Variants in KCNJ16 observed in about 807,000 individuals in gnomAD.
The protein encoded by KCNJ16 is inward rectifier potassium channel 16.
Under a neutral mutation model 18.5 loss-of-function variants are expected in KCNJ16, and 15 were observed. That is an observed-to-expected ratio of 0.81 (90% CI 0.54 to 1.25). The LOEUF (loss-of-function observed/expected upper bound fraction) is 1.25, where lower values mean the gene tolerates loss of function less well. Ranked by LOEUF, KCNJ16 falls within the 50% of genes most tolerant of loss-of-function variation. The pLI, the probability that KCNJ16 is intolerant of heterozygous loss-of-function variation, is 0.00. For missense variants in KCNJ16, 523 were observed against 525.7 expected (o/e 0.99, Z 0.05); for synonymous variants, 174 against 186.5 (o/e 0.93, Z 0.55).
intron 2 of KCNJ16, among the ~76,000 whole-genome samples, chr17:70,120,177 C>G (rs1347255422): frequency 6.6e-6 from 1 of 152,218 alleles, no homozygotes; most frequent in African/African-American, 2.4e-5. Flanking sequence ...GTCACCTTTG[C>G]TCCAGTTCCC....
chr17:70,083,413 A>G (rs2071643987), intron 1 of KCNJ16, among the ~76,000 whole-genome samples: 1 of 151,736 alleles, frequency 6.6e-6, no homozygotes, highest in Non-Finnish European at 1.5e-5. Context: ...GTGCTGCACA[A>G]TGACAATTTG....
chr17:70,081,243 G>A (rs988595349), intron 1 of KCNJ16, among the ~76,000 whole-genome samples: 1 of 152,128 alleles, frequency 6.6e-6, no homozygotes, highest in African/African-American at 2.4e-5. Context: ...TCACGCCCAA[G>A]GAGAACGTGG....
intron 2 of KCNJ16, among the ~76,000 whole-genome samples, chr17:70,106,804 C>T (rs754980747): frequency 9.9e-5 from 15 of 152,162 alleles, no homozygotes; most frequent in Non-Finnish European, 2.1e-4. Flanking sequence ...TTGGGATGGG[C>T]TGGCATGAGG....
chr17:70,114,232 C>G (rs1215935962), intron 2 of KCNJ16, among the ~76,000 whole-genome samples: 3 of 152,098 alleles, frequency 2.0e-5, no homozygotes, highest in African/African-American at 7.2e-5. Context: ...TAGACACTAT[C>G]CAGGGAGTTT....
At chr17:70,083,302 T>C (rs562061943) in intron 1 of KCNJ16, among the ~76,000 whole-genome samples, 3 of 149,614 alleles carry the variant, frequency 2.0e-5, no homozygotes, top group East Asian at 3.9e-4. Context: ...CTATATGATA[T>C]ATATGTATTA....
intron 2 of KCNJ16, chr17:70,128,925 A>G (rs2073959046): frequency 6.6e-6 from 1 of 152,200 alleles, no homozygotes; most frequent in Admixed American, 6.5e-5. Context: ...TGTAAACAGG[A>G]AGTGTCTCAG....
At position 70,132,644 on chromosome 17, in the gene KCNJ16, A is replaced by C; in HGVS notation, c.557A>C (p.Tyr186Ser). The C allele has an allele frequency of 6.2e-7, 1 of 1,614,202 alleles. No individual in the cohort carries two copies. The highest frequency in any genetic ancestry group is 8.5e-7 in the Non-Finnish European group (1 of 1,180,040). The change falls in exon 4 of 4, where the codon TAC (tyrosine) becomes TCC (serine). Residue 186 changes from tyrosine to serine, a missense_variant. Transcript: ENST00000392671. ...AGAGCCCAAACCATTCGTTTCAGCT[A>C]CTTTGCACTTATAGGTATGAGAGAT... ...RKRAQTIRFS[Y>S]FALIGMRDGK...
intron 1 of KCNJ16, among the ~76,000 whole-genome samples, chr17:70,099,715 ATG>A (rs984333008): frequency 6.6e-5 from 10 of 152,074 alleles, no homozygotes; most frequent in Non-Finnish European, 1.5e-4. Context: ...GCCTGGTGCT[ATG>A]TGTGTTTGGG....
At chr17:70,079,923 G>A (rs1034822210) in intron 1 of KCNJ16, among the ~76,000 whole-genome samples, 4 of 152,038 alleles carry the variant, frequency 2.6e-5, no homozygotes, top group African/African-American at 9.7e-5. Flanking sequence ...GGCTGGTCTC[G>A]AACTCCTAGC....
intron 1 of KCNJ16, among the ~76,000 whole-genome samples, chr17:70,077,195 C>A (rs2143496510): frequency 6.6e-6 from 1 of 152,236 alleles, no homozygotes; most frequent in South Asian, 2.1e-4. Context: ...TACATGAGGT[C>A]CTGTAGATGT....
chr17:70,107,327 A>G (rs1301153311), intron 2 of KCNJ16, among the ~76,000 whole-genome samples: 1 of 152,166 alleles, frequency 6.6e-6, no homozygotes, highest in East Asian at 1.9e-4. Flanking sequence ...TAAGAACCTA[A>G]TAAGCCATAT....
At chr17:70,078,242 C>T (rs969166821) in intron 1 of KCNJ16, among the ~76,000 whole-genome samples, 1 of 152,086 alleles carries the variant, frequency 6.6e-6, no homozygotes, top group Non-Finnish European at 1.5e-5. Context: ...TCCACATTCT[C>T]CCCCTCCTAA....
intron 2 of KCNJ16, among the ~76,000 whole-genome samples, chr17:70,123,469 C>G (rs901114685): frequency 2.6e-5 from 4 of 152,104 alleles, no homozygotes; most frequent in Non-Finnish European, 1.5e-5. Context: ...ACATATATCT[C>G]TCCCAGACTA....
intron 1 of KCNJ16, among the ~76,000 whole-genome samples, chr17:70,085,241 T>C (rs902436471): frequency 1.3e-5 from 2 of 152,206 alleles, no homozygotes; most frequent in Non-Finnish European, 2.9e-5. Context: ...GTGTCAGACA[T>C]TACATTTTCC....
Position 70,132,878 on chromosome 17 carries a change from A to G in KCNJ16, c.791A>G (p.Tyr264Cys). ...VHEIDHESPLYALDRKAVAKD... is the reference protein window; with the variant it reads ...VHEIDHESPLCALDRKAVAKD... ...GAAATTGACCATGAGAGCCCTCTGT[A>G]TGCCCTTGACCGCAAAGCAGTAGCC... Residue 264 changes from tyrosine to cysteine, a missense_variant, in exon 4 of 4, where the codon TAT becomes TGT. By Grantham distance (194) the Tyr-to-Cys change is radical. Transcript: ENST00000392671. 1.2e-6 allele frequency: 2 copies of G among 1,614,160 alleles called. No homozygotes were observed. The highest frequency in any genetic ancestry group is 2.2e-5 in the East Asian group (1 of 44,876).
rs2074114197 is a variant in KCNJ16, at chr17:70,132,941, C to T, written c.854C>T (p.Thr285Ile). ...GAGATTTTGGTGACATTTATCTATA[C>T]TGGTGATTCCACTGGAACATCTCAC... is the stretch of plus-strand genomic sequence containing the variant. ...NFEILVTFIYTGDSTGTSHQS... is the reference protein window; with the variant it reads ...NFEILVTFIYIGDSTGTSHQS... The change falls in exon 4 of 4, where the codon ACT (threonine) becomes ATT (isoleucine). Residue 285 changes from threonine to isoleucine, a missense_variant. Coordinates refer to ENST00000392671, the MANE Select transcript of KCNJ16 (RefSeq NM_170741.4). The T allele has an allele frequency of 5.0e-6, 8 of 1,614,176 alleles. No homozygotes were observed. Among genetic ancestry groups the T allele is most frequent in the Non-Finnish European group, 6.8e-6 (8 of 1,180,020 alleles).
At chr17:70,081,517 A>G (rs2071551783) in intron 1 of KCNJ16, among the ~76,000 whole-genome samples, 1 of 152,218 alleles carries the variant, frequency 6.6e-6, no homozygotes, top group Non-Finnish European at 1.5e-5. Flanking sequence ...CACTTTCCAC[A>G]TGCAGGAATC....
intron 2 of KCNJ16, among the ~76,000 whole-genome samples, chr17:70,129,831 G>C (rs11651001): frequency 3.3e-5 from 5 of 152,238 alleles, no homozygotes; most frequent in African/African-American, 1.2e-4. Context: ...AGAGGCTTGT[G>C]TATAGCAGTT....
chr17:70,103,778 T>C (rs533830445), intron 2 of KCNJ16, among the ~76,000 whole-genome samples: 1 of 152,226 alleles, frequency 6.6e-6, no homozygotes, highest in South Asian at 2.1e-4. Flanking sequence ...GACATGTTCA[T>C]TTGGCTGTCA....
Sources: allele counts gnomAD v4.1 joint callset (sites outside exome capture counted in the v4.1 genomes callset), GRCh38; gene constraint gnomAD v4.1.1; transcripts MANE v1.5; gene names NCBI Gene and HGNC (gene_info 2026-07-23, HGNC 2026-07-21).